PTPRD: variants seen among roughly 807,000 people sequenced by gnomAD.
PTPRD encodes the protein protein tyrosine phosphatase receptor type D.
Under a neutral mutation model 214.5 loss-of-function variants are expected in PTPRD, and 34 were observed. The ratio of observed to expected loss-of-function variants is 0.16; its 90% CI spans 0.12 to 0.21. PTPRD has a LOEUF of 0.21. Ranked by LOEUF, PTPRD falls within the 10% of genes least tolerant of loss-of-function variation. PTPRD has a pLI of 1.00. For synonymous variants in PTPRD, 1,128 were observed against 845.7 expected (o/e 1.33, Z -5.79); for missense variants, 2,545 against 2,398.7 (o/e 1.06, Z -1.27).
chr9:9,314,031 C>G lies in PTPRD; in HGVS notation c.-203+83418G>C, dbSNP rs1960932894. Among the ~76,000 whole-genome samples, 3 of 152,208 alleles carry G rather than the reference C, an allele frequency of 2.0e-5. No individual in the cohort carries two copies. The South Asian group carries it at 6.2e-4, about 32-fold the overall frequency. Reference sequence around the variant, plus strand: ...GAGCAAAGAAGCTGTTTTACTCTAACAAATAAGAGGAAAATTGTTTATTTC... The same window carrying G: ...GAGCAAAGAAGCTGTTTTACTCTAAGAAATAAGAGGAAAATTGTTTATTTC... On this transcript the variant is annotated intron_variant, in intron 9 of 45. Transcript: ENST00000381196.
At chr9:8,884,283 C>A (rs556735585) in intron 11 of PTPRD, among the ~76,000 whole-genome samples, 1 of 152,216 alleles carries the variant, frequency 6.6e-6, no homozygotes, top group East Asian at 1.9e-4. Flanking sequence ...TCCTGAGTTG[C>A]AAGACAGAGA....
intron 9 of PTPRD, among the ~76,000 whole-genome samples, chr9:9,222,368 A>C (rs2099956664): frequency 6.6e-6 from 1 of 152,078 alleles, no homozygotes; most frequent in South Asian, 2.1e-4. Flanking sequence ...TTTTTGAAAT[A>C]AATAGCACTT....
rs544075539 is a variant in PTPRD, at chr9:9,333,504, T to TTTTA, written c.-203+63944_-203+63945insTAAA. ...TAAAACATATATATTATATAGTATA[T>TTTTA]TATATATATATATATATATATAAAG... On this transcript the variant is annotated intron_variant, in intron 9 of 45. Transcript: ENST00000381196. Among the ~76,000 whole-genome samples the TTTTA allele has an allele frequency of 3.9e-3, 541 of 137,236 alleles. 16 individuals carry two copies. Among genetic ancestry groups the TTTTA allele is most frequent in the African/African-American group, 0.015 (500 of 34,294 alleles). The allele number at this position is 137,236 out of a possible 152,430, so 90.0% of individuals were successfully genotyped here.
chr9:10,205,366 T>TTA (rs1564514497), intron 3 of PTPRD, among the ~76,000 whole-genome samples: 38 of 147,890 alleles, frequency 2.6e-4, no homozygotes, highest in African/African-American at 9.3e-4. Flanking sequence ...TTCTTCTTCT[T>TTA]CTTTATTTTA....
At chr9:10,512,528 G>C (rs1224585146) in intron 2 of PTPRD, among the ~76,000 whole-genome samples, 1 of 152,098 alleles carries the variant, frequency 6.6e-6, no homozygotes, top group Non-Finnish European at 1.5e-5. Context: ...ATGGAGCTTA[G>C]ACAAATGATT....
intron 9 of PTPRD, among the ~76,000 whole-genome samples, chr9:9,239,674 T>C (rs933581565): frequency 5.9e-5 from 9 of 152,138 alleles, no homozygotes; most frequent in African/African-American, 9.7e-5. Flanking sequence ...CAGATGGCCA[T>C]GGTACAGCCT....
intron 2 of PTPRD, among the ~76,000 whole-genome samples, chr9:10,519,017 T>A (rs2051176521): frequency 6.6e-6 from 1 of 151,842 alleles, no homozygotes; most frequent in Non-Finnish European, 1.5e-5. Context: ...TTATCTCCTA[T>A]TTTCAGCTAA....
chr9:9,152,746 A>C (rs893340830), intron 10 of PTPRD, among the ~76,000 whole-genome samples: 1 of 152,164 alleles, frequency 6.6e-6, no homozygotes, highest in African/African-American at 2.4e-5. Context: ...CAAATGGGCC[A>C]ACACTTATTT....
At chr9:10,446,478 C>A (rs1436496549) in intron 2 of PTPRD, among the ~76,000 whole-genome samples, 2 of 97,294 alleles carry the variant, frequency 2.1e-5, no homozygotes, top group African/African-American at 3.9e-5. Context: ...GATTGAAATT[C>A]TCCTCTTTTA....
intron 14 of PTPRD, among the ~76,000 whole-genome samples, chr9:8,542,731 G>C (rs2078803072): frequency 6.6e-6 from 1 of 152,238 alleles, no homozygotes; most frequent in Non-Finnish European, 1.5e-5. Flanking sequence ...GGGGCTCGTA[G>C]AGCAAGCCGT....
rs565009800 is a variant in PTPRD at position 10,025,734 on chromosome 9, T to C, written c.-472+7984A>G. Among the ~76,000 whole-genome samples the C allele has an allele frequency of 4.6e-5, 7 of 152,322 alleles. No homozygotes were observed. The East Asian group carries it at 1.4e-3, about 29-fold the overall frequency. ...TGGATGATATTTGAAGACGATTTCC[T>C]TGGAGAGAGCTGTGCCGCCTCCACT... On this transcript the variant is annotated intron_variant, in intron 4 of 45. Coordinates refer to ENST00000381196, the MANE Select transcript of PTPRD (RefSeq NM_002839.4).
chr9:8,718,212 G>T (rs893286716), intron 12 of PTPRD, among the ~76,000 whole-genome samples: 1 of 152,164 alleles, frequency 6.6e-6, no homozygotes, highest in South Asian at 2.1e-4. Flanking sequence ...GCTAGAAAAA[G>T]CAATCTAGTG....
intron 36 of PTPRD, among the ~76,000 whole-genome samples, chr9:8,393,557 T>C (rs1402113814): frequency 1.3e-5 from 2 of 152,136 alleles, no homozygotes; most frequent in East Asian, 3.9e-4. Context: ...AGGAACTCTC[T>C]TGGAGTCAGT....
At chr9:9,679,273 C>T (rs999611524) in intron 7 of PTPRD, among the ~76,000 whole-genome samples, 3 of 151,588 alleles carry the variant, frequency 2.0e-5, no homozygotes, top group Non-Finnish European at 2.9e-5. Flanking sequence ...CACACACAAG[C>T]GCTTTGCTAC....
chr9:8,927,621 G>C (rs2098910938), intron 11 of PTPRD, among the ~76,000 whole-genome samples: 1 of 152,070 alleles, frequency 6.6e-6, no homozygotes, highest in Non-Finnish European at 1.5e-5. Context: ...TGGGCACTTG[G>C]GTTGGTTCCA....
intron 3 of PTPRD, among the ~76,000 whole-genome samples, chr9:10,142,190 T>A (rs377647418): frequency 6.6e-6 from 1 of 151,704 alleles, no homozygotes; most frequent in Non-Finnish European, 1.5e-5. Flanking sequence ...AACCTAGGCA[T>A]TACCATTCAG....
intron 3 of PTPRD, among the ~76,000 whole-genome samples, chr9:10,311,001 C>T (rs759794545): frequency 9.2e-5 from 14 of 151,998 alleles, no homozygotes; most frequent in Non-Finnish European, 1.8e-4. Flanking sequence ...AATTTGATTG[C>T]AAACTTCATT....
intron 35 of PTPRD, among the ~76,000 whole-genome samples, chr9:8,423,233 G>A (rs746207885): frequency 6.6e-6 from 1 of 152,102 alleles, no homozygotes; most frequent in Non-Finnish European, 1.5e-5. Flanking sequence ...CGTCAATCCG[G>A]CTCAATAAGT....
intron 9 of PTPRD, among the ~76,000 whole-genome samples, chr9:9,295,585 C>G (rs1952727080): frequency 6.6e-6 from 1 of 151,616 alleles, no homozygotes; most frequent in Non-Finnish European, 1.5e-5. Flanking sequence ...TTTTAAGAGA[C>G]TATTGGAGCA....
Sources: allele counts gnomAD v4.1 joint callset (sites outside exome capture counted in the v4.1 genomes callset), GRCh38; gene constraint gnomAD v4.1.1; transcripts MANE v1.5; gene names NCBI Gene and HGNC (gene_info 2026-07-23, HGNC 2026-07-21).